The following CFAP47 variants were observed in gnomAD, a reference collection of about 807,000 sequenced individuals.
CFAP47 encodes cilia and flagella associated protein 47, also known as cilia- and flagella-associated protein 47.
In CFAP47, 29 loss-of-function variants were observed where a neutral mutation model predicts 148.1. That is an observed-to-expected ratio of 0.20 (90% CI 0.15 to 0.27). The LOEUF (loss-of-function observed/expected upper bound fraction) is 0.27. Among genes scored for constraint, CFAP47 ranks in the 10% least tolerant of loss-of-function variants. The pLI is 1.00. For missense variants in CFAP47, 1,872 were observed against 1,697.5 expected (o/e 1.10, Z -1.81); for synonymous variants, 664 against 577.3 (o/e 1.15, Z -2.15).
intron 33 of CFAP47, among the ~76,000 whole-genome samples, chrX:36,108,396 C>T (rs918866178): frequency 9.0e-6 from 1 of 111,501 alleles, no homozygotes; most frequent in African/African-American, 3.3e-5. Flanking sequence ...GTCCCATAAG[C>T]ACCTCAAATT....
chrX:36,211,704 G>T, intron 45 of CFAP47: 1 of 194,041 alleles, frequency 5.2e-6, no homozygotes, highest in South Asian at 8.9e-5. Context: ...GAAGATCAAG[G>T]GGAGGAAGAA....
chrX:36,030,716 T>C (rs1601939459), intron 22 of CFAP47, among the ~76,000 whole-genome samples: 1 of 110,934 alleles, frequency 9.0e-6, no homozygotes, highest in East Asian at 2.8e-4. Context: ...TTTCAAGAAG[T>C]ATAGGTTTTT....
At chrX:36,251,194 T>G (rs1940686905) in intron 48 of CFAP47, 139 bp from the exon 49 acceptor site, 1 of 275,973 alleles carries the variant, frequency 3.6e-6, no homozygotes. Flanking sequence ...TTTAAAAAAG[T>G]GAATGATTTT....
chrX:36,374,065 T>C (rs782786433), intron 62 of CFAP47, among the ~76,000 whole-genome samples: 4 of 111,041 alleles, frequency 3.6e-5, no homozygotes, highest in African/African-American at 1.3e-4. Context: ...ATCAGGGTGA[T>C]CCTGGCCTCA....
chrX:36,341,274 A>C (rs1420406245), intron 57 of CFAP47, among the ~76,000 whole-genome samples: 1 of 110,442 alleles, frequency 9.1e-6, no homozygotes, highest in Non-Finnish European at 1.9e-5. Context: ...TGACCTTGTG[A>C]TCTGCCCGCC....
At chrX:36,258,921 A>C (rs900836832) in intron 49 of CFAP47, among the ~76,000 whole-genome samples, 24 of 112,205 alleles carry the variant, frequency 2.1e-4, no homozygotes, top group African/African-American at 7.8e-4. Context: ...GCAATTTGAC[A>C]CACATCACTT....
At chrX:35,982,588 T>A (rs1936661640) in intron 15 of CFAP47, among the ~76,000 whole-genome samples, 1 of 111,647 alleles carries the variant, frequency 9.0e-6, no homozygotes, top group Admixed American at 9.5e-5. Context: ...TTTTTAGTTT[T>A]AGGCTTTACA....
At chrX:36,180,077 C>T (rs1353659785) in intron 40 of CFAP47, among the ~76,000 whole-genome samples, 3 of 111,483 alleles carry the variant, frequency 2.7e-5, no homozygotes, top group African/African-American at 6.5e-5. Context: ...ACACCATGAA[C>T]GCACCATGAG....
intron 33 of CFAP47, among the ~76,000 whole-genome samples, chrX:36,129,997 A>G (rs1938916512): frequency 9.0e-6 from 1 of 111,710 alleles, no homozygotes; most frequent in South Asian, 3.6e-4. Flanking sequence ...GTTCAGCATA[A>G]TTAGTAATTT....
Position 36,262,592 on chromosome X carries a change from G to A in CFAP47, c.7444+11148G>A, listed in dbSNP as rs782596219. Among the ~76,000 whole-genome samples the A allele has an allele frequency of 1.1e-4, 12 of 111,678 alleles. No individual in the cohort carries two copies. In the East Asian group the frequency reaches 2.0e-3, roughly 18 times the overall value. On this transcript the variant is annotated intron_variant, in intron 49 of 63. Coordinates refer to ENST00000378653, the MANE Select transcript of CFAP47 (RefSeq NM_001304548.2). ...ATCATACTCCATTGTGTGTATATACGCATTTTCTTTATTTATTCATCTGTT... is the reference window on the plus strand; with the variant it reads ...ATCATACTCCATTGTGTGTATATACACATTTTCTTTATTTATTCATCTGTT...
chrX:35,973,282 C>T lies in CFAP47; in HGVS notation c.2254+1317C>T, dbSNP rs549426261. 4.5e-5 allele frequency among the ~76,000 whole-genome samples: 5 copies of T among 110,850 alleles called. No homozygotes were observed. The South Asian group carries it at 1.9e-3, about 42-fold the overall frequency. ...TCAGCTCACTTCAAGCTCTGCCTCC[C>T]GGGTTCATGCCATTCTTCTGCCTCA... On this transcript the variant is annotated intron_variant, in intron 13 of 63. Transcript: ENST00000378653.
At position 36,109,764 on chromosome X, in the gene CFAP47, G is replaced by A. The variant is rs1178167013; in HGVS notation, c.5320+5073G>A. Among the ~76,000 whole-genome samples the A allele has an allele frequency of 8.1e-5, 9 of 111,612 alleles. No individual in the cohort carries two copies. The East Asian group carries it at 1.1e-3, about 14-fold the overall frequency. On this transcript the variant is annotated intron_variant, in intron 33 of 63. Transcript: ENST00000378653. ...GCTGGGATTGCAGGCCTGAGCCACCGCGCCCAGCCTACTTTTTGACTTTTT... is the reference window on the plus strand; with the variant it reads ...GCTGGGATTGCAGGCCTGAGCCACCACGCCCAGCCTACTTTTTGACTTTTT...
intron 14 of CFAP47, 70 bp from the exon 15 acceptor site, chrX:35,975,602 C>A: frequency 9.3e-7 from 1 of 1,072,441 alleles, no homozygotes. Context: ...GTGCATTTTA[C>A]GTGTAGCTGA....
intron 48 of CFAP47, among the ~76,000 whole-genome samples, chrX:36,249,054 T>C: frequency 9.1e-6 from 1 of 109,399 alleles, no homozygotes; most frequent in East Asian, 2.9e-4. Context: ...AAGGGAAATT[T>C]GTAGATGTGC....
chrX:36,171,167 G>C (rs1265028924), intron 39 of CFAP47, among the ~76,000 whole-genome samples: 2 of 106,762 alleles, frequency 1.9e-5, no homozygotes, highest in Non-Finnish European at 3.9e-5. Context: ...TTGTAAATTT[G>C]TTTGAGTTCA....
intron 46 of CFAP47, among the ~76,000 whole-genome samples, chrX:36,233,191 A>G (rs188017736): frequency 3.3e-3 from 371 of 111,124 alleles, no homozygotes; most frequent in Non-Finnish European, 6.0e-3. Context: ...TGTCTCGTAG[A>G]TCTGTCTAAT....
intron 57 of CFAP47, among the ~76,000 whole-genome samples, chrX:36,338,988 T>C (rs1441217508): frequency 8.9e-6 from 1 of 112,311 alleles, no homozygotes; most frequent in Non-Finnish European, 1.9e-5. Context: ...CTACTCTCAC[T>C]TGCCGACACA....
At chrX:36,190,536 G>A (rs183866089) in intron 42 of CFAP47, among the ~76,000 whole-genome samples, 2 of 112,437 alleles carry the variant, frequency 1.8e-5, no homozygotes, top group Admixed American at 1.9e-4. Context: ...CACAGGTCCA[G>A]ATATGACCTA....
rs782205514 is a variant in CFAP47 at position 36,367,033 on chromosome X, G to A, written c.9091G>A (p.Ala3031Thr). 27 of 1,152,582 alleles carry A rather than the reference G, an allele frequency of 2.3e-5. No individual in the cohort carries two copies. The highest frequency in any genetic ancestry group is 2.6e-5 in the Admixed American group (1 of 37,975). 95.0% of individuals were successfully genotyped at this position (1,152,582 alleles called of 1,213,427 possible). A position where few individuals can be genotyped will look rare whatever the true frequency, so the allele number is the denominator to read the frequency against. Residue 3031 changes from alanine to threonine, a missense_variant, in exon 62 of 64, where the codon GCT becomes ACT. Physicochemically the swap from Ala to Thr is moderately conservative, Grantham distance 58 (BLOSUM62 0). Coordinates refer to ENST00000378653, the MANE Select transcript of CFAP47 (RefSeq NM_001304548.2). ...CTGGAAGTTTCCCATAATGTTGATC[G>A]CTACTGAACCTGATACGGATGCTGT... ...GIWKFPIMLI[A>T]TEPDTDAVID...
Sources: allele counts gnomAD v4.1 joint callset (sites outside exome capture counted in the v4.1 genomes callset), GRCh38; gene constraint gnomAD v4.1.1; transcripts MANE v1.5; gene names NCBI Gene and HGNC (gene_info 2026-07-23, HGNC 2026-07-21).